Variants in ATRNL1 observed in about 807,000 individuals in gnomAD.
ATRNL1 encodes the protein attractin-like protein 1.
A neutral mutation model predicts 182.7 loss-of-function variants in ATRNL1; 95 were observed. The ratio of observed to expected loss-of-function variants is 0.52; its 90% CI spans 0.44 to 0.62. The LOEUF is 0.62. Among genes scored for constraint, ATRNL1 ranks in the 20% least tolerant of loss-of-function variants. ATRNL1 has a pLI of 0.00. For synonymous variants in ATRNL1, 576 were observed against 568.3 expected (o/e 1.01, Z -0.19); for missense variants, 1,471 against 1,679.5 (o/e 0.88, Z 2.17).
At position 115,119,488 on chromosome 10, in the gene ATRNL1, G is replaced by A. The variant is rs57423028; in HGVS notation, c.294-697G>A. Among the ~76,000 whole-genome samples, 676 of 151,830 alleles carry A rather than the reference G, an allele frequency of 4.5e-3. 8 individuals carry two copies. Among genetic ancestry groups the A allele is most frequent in the African/African-American group, 0.015 (634 of 41,462 alleles). ...TATGGTCTCTTGATAAAATAATTGGGCTGGAAGTAAAAAAAACAAAATGAA... is the reference window on the plus strand; with the variant it reads ...TATGGTCTCTTGATAAAATAATTGGACTGGAAGTAAAAAAAACAAAATGAA... On this transcript the variant is annotated intron_variant, in intron 1 of 28. Coordinates refer to ENST00000355044, the MANE Select transcript of ATRNL1 (RefSeq NM_207303.4).
chr10:115,216,705 T>C (rs1195932601), intron 9 of ATRNL1, among the ~76,000 whole-genome samples: 1 of 151,954 alleles, frequency 6.6e-6, no homozygotes, highest in Non-Finnish European at 1.5e-5. Context: ...TTTAAGACAG[T>C]ATACATTCTT....
intron 26 of ATRNL1, among the ~76,000 whole-genome samples, chr10:115,604,043 C>A (rs1430167615): frequency 6.6e-5 from 10 of 152,006 alleles, no homozygotes; most frequent in Non-Finnish European, 7.4e-5. Flanking sequence ...ATGTGTCATT[C>A]TTTCGATGTC....
intron 26 of ATRNL1, among the ~76,000 whole-genome samples, chr10:115,653,268 C>T (rs1860125540): frequency 2.0e-5 from 3 of 152,162 alleles, no homozygotes; most frequent in African/African-American, 7.2e-5. Context: ...CTGAAATTGT[C>T]ATGTACATTT....
At chr10:115,926,004 A>T (rs1255520811) in intron 28 of ATRNL1, among the ~76,000 whole-genome samples, 2 of 152,184 alleles carry the variant, frequency 1.3e-5, no homozygotes, top group African/African-American at 4.8e-5. Context: ...TTGACCACAT[A>T]ATTGGAAGTA....
rs563955293 is a variant in ATRNL1 at position 115,926,831 on chromosome 10, T to C, written c.4019-17827T>C. Reference sequence around the variant, plus strand: ...ATTCACAGCCAAATTCTACCAGAGGTACAAAGAGGGTTTCAGAAGATACCA... The same window carrying C: ...ATTCACAGCCAAATTCTACCAGAGGCACAAAGAGGGTTTCAGAAGATACCA... On this transcript the variant is annotated intron_variant, in intron 28 of 28. Coordinates refer to ENST00000355044, the MANE Select transcript of ATRNL1 (RefSeq NM_207303.4). Among the ~76,000 whole-genome samples, 15 of 151,954 alleles carry C rather than the reference T, an allele frequency of 9.9e-5. 1 individual carries two copies. In the South Asian group the frequency reaches 3.1e-3, roughly 32 times the overall value.
At chr10:115,746,885 C>A (rs1214719089) in intron 27 of ATRNL1, among the ~76,000 whole-genome samples, 5 of 152,034 alleles carry the variant, frequency 3.3e-5, no homozygotes, top group Non-Finnish European at 7.4e-5. Flanking sequence ...GAGAAAGTAA[C>A]CTTGACGCAT....
chr10:115,800,144 C>T (rs1555084000), intron 27 of ATRNL1, among the ~76,000 whole-genome samples: 1 of 151,804 alleles, frequency 6.6e-6, no homozygotes. Flanking sequence ...CGCTTGAACC[C>T]CACGAGATGG....
intron 26 of ATRNL1, among the ~76,000 whole-genome samples, chr10:115,573,666 C>T (rs1854539484): frequency 6.6e-6 from 1 of 152,142 alleles, no homozygotes; most frequent in South Asian, 2.1e-4. Context: ...AATGTTACAA[C>T]TCAGTGAGCA....
intron 25 of ATRNL1, among the ~76,000 whole-genome samples, chr10:115,547,903 A>G (rs1247746482): frequency 2.0e-5 from 3 of 152,230 alleles, no homozygotes; most frequent in Non-Finnish European, 4.4e-5. Flanking sequence ...ATGTTAAAAA[A>G]TCACTTGTAT....
intron 1 of ATRNL1, among the ~76,000 whole-genome samples, chr10:115,106,277 G>T (rs1420348519): frequency 6.6e-6 from 1 of 152,106 alleles, no homozygotes; most frequent in Non-Finnish European, 1.5e-5. Flanking sequence ...CTCCCATTTG[G>T]AATGGCTGTA....
intron 8 of ATRNL1, among the ~76,000 whole-genome samples, chr10:115,206,683 T>G (rs1405884747): frequency 6.6e-6 from 1 of 152,122 alleles, no homozygotes; most frequent in Non-Finnish European, 1.5e-5. Context: ...AAATTCTGTA[T>G]AATATTCTTT....
chr10:115,318,331 G>A (rs1187762122), intron 18 of ATRNL1, among the ~76,000 whole-genome samples: 1 of 152,136 alleles, frequency 6.6e-6, no homozygotes, highest in Non-Finnish European at 1.5e-5. Flanking sequence ...ATTCATCAGG[G>A]AAACGGGCCA....
rs1233747461 is a variant in ATRNL1 at position 115,794,862 on chromosome 10, A to G, written c.3904-53015A>G. Among the ~76,000 whole-genome samples, 3 of 152,196 alleles carry G rather than the reference A, an allele frequency of 2.0e-5. No individual in the cohort carries two copies. In the East Asian group the frequency reaches 5.8e-4, roughly 29 times the overall value. On this transcript the variant is annotated intron_variant, in intron 27 of 28. Transcript: ENST00000355044. Reference sequence around the variant, plus strand: ...TATGTAAACCTCCCATTCCTTATCAAACTTTCAATTTAATATTTCCTTATT... The same window carrying G: ...TATGTAAACCTCCCATTCCTTATCAGACTTTCAATTTAATATTTCCTTATT...
At chr10:115,138,471 G>A (rs1554877218) in intron 5 of ATRNL1, among the ~76,000 whole-genome samples, 1 of 152,218 alleles carries the variant, frequency 6.6e-6, no homozygotes, top group African/African-American at 2.4e-5. Context: ...CGAAATCTAG[G>A]TGAAGGTTCC....
chr10:115,331,749 T>C (rs1202010970), intron 18 of ATRNL1, among the ~76,000 whole-genome samples: 1 of 152,238 alleles, frequency 6.6e-6, no homozygotes, highest in Non-Finnish European at 1.5e-5. Context: ...CTGAGCATAC[T>C]GACTCTTGTA....
At chr10:115,156,885 T>C (rs1425505195) in intron 5 of ATRNL1, among the ~76,000 whole-genome samples, 1 of 152,082 alleles carries the variant, frequency 6.6e-6, no homozygotes, top group Non-Finnish European at 1.5e-5. Flanking sequence ...ATGTTCTTAT[T>C]CATAAGTGGG....
At chr10:115,122,540 A>G (rs930750990) in intron 3 of ATRNL1, among the ~76,000 whole-genome samples, 2 of 152,102 alleles carry the variant, frequency 1.3e-5, no homozygotes, top group South Asian at 4.2e-4. Flanking sequence ...TATCTGTTAT[A>G]TGTTCTGTCA....
intron 20 of ATRNL1, among the ~76,000 whole-genome samples, chr10:115,400,200 A>C (rs1252813553): frequency 5.3e-5 from 8 of 152,110 alleles, no homozygotes; most frequent in African/African-American, 1.9e-4. Flanking sequence ...ATCATTAGAG[A>C]GAATTAAAAC....
chr10:115,196,458 A>T (rs1344944242), intron 8 of ATRNL1, among the ~76,000 whole-genome samples: 1 of 152,062 alleles, frequency 6.6e-6, no homozygotes, highest in Non-Finnish European at 1.5e-5. Flanking sequence ...CAACTTGTCA[A>T]TTTTTGAAAG....
Sources: gnomAD v4.1 joint callset for allele counts (sites outside exome capture counted in the v4.1 genomes callset) on GRCh38, gnomAD v4.1.1 for gene constraint, MANE v1.5 for transcripts, NCBI Gene and HGNC (gene_info 2026-07-23, HGNC 2026-07-21) for gene names.